SLC2A9: variants seen among roughly 807,000 people sequenced by gnomAD.
The protein encoded by SLC2A9 is solute carrier family 2 member 9, also known as solute carrier family 2, facilitated glucose transporter member 9.
Under a neutral mutation model 50.6 loss-of-function variants are expected in SLC2A9, and 39 were observed. That is an observed-to-expected ratio of 0.77 (90% CI 0.60 to 1.01). The LOEUF is 1.01. SLC2A9 is among the 50% of genes least tolerant of loss of function. The pLI is 0.00. For synonymous variants in SLC2A9, 324 were observed against 276.9 expected (o/e 1.17, Z -1.69); for missense variants, 686 against 677.6 (o/e 1.01, Z -0.14).
chr4:10,026,576 T>G (rs1763760501), intron 1 of SLC2A9, among the ~76,000 whole-genome samples: 1 of 152,166 alleles, frequency 6.6e-6, no homozygotes, highest in Non-Finnish European at 1.5e-5. Flanking sequence ...TTCACAGCAA[T>G]GATATTCCAA....
intron 6 of SLC2A9, among the ~76,000 whole-genome samples, chr4:9,929,064 A>G (rs1745418160): frequency 6.6e-6 from 1 of 152,188 alleles, no homozygotes; most frequent in African/African-American, 2.4e-5. Context: ...TTGGAGCTAC[A>G]TCGTTTAATG....
chr4:9,898,108 A>G (rs1738899143), intron 8 of SLC2A9, among the ~76,000 whole-genome samples: 1 of 152,164 alleles, frequency 6.6e-6, no homozygotes, highest in African/African-American at 2.4e-5. Flanking sequence ...TCTGGCCTTG[A>G]GAACTGTGAT....
intron 1 of SLC2A9, among the ~76,000 whole-genome samples, chr4:10,027,194 G>C (rs1301636011): frequency 1.3e-5 from 2 of 152,200 alleles, no homozygotes; most frequent in Non-Finnish European, 2.9e-5. Context: ...GGCTGCAGCA[G>C]CCTCACAGAT....
At chr4:9,998,463 A>T (rs1759143759) in intron 2 of SLC2A9, among the ~76,000 whole-genome samples, 1 of 152,166 alleles carries the variant, frequency 6.6e-6, no homozygotes, top group Admixed American at 6.5e-5. Context: ...CAGTACTTGA[A>T]TGGAGCTTAC....
intron 2 of SLC2A9, among the ~76,000 whole-genome samples, chr4:10,017,827 G>A (rs995796816): frequency 6.6e-6 from 1 of 151,782 alleles, no homozygotes; most frequent in Non-Finnish European, 1.5e-5. Flanking sequence ...TGTGCTCCAA[G>A]AACCTGGAGC....
intron 4 of SLC2A9, 117 bp from the exon 5 acceptor site, chr4:9,980,854 A>G: frequency 1.5e-6 from 2 of 1,364,316 alleles, no homozygotes; most frequent in Non-Finnish European, 2.1e-6. Flanking sequence ...CACTGTAGCC[A>G]CGGCATTTTT....
chr4:9,771,562 A>C (rs1056508097), intron 1 of SLC2A9, among the ~76,000 whole-genome samples: 2 of 152,220 alleles, frequency 1.3e-5, no homozygotes, highest in African/African-American at 4.8e-5. Flanking sequence ...TGATATGTTC[A>C]TCTATGCAAC....
intron 10 of SLC2A9, among the ~76,000 whole-genome samples, chr4:9,835,923 C>T (rs1727000788): frequency 3.3e-5 from 5 of 151,738 alleles, no homozygotes; most frequent in Admixed American, 3.3e-4. Flanking sequence ...CCCATCTCTA[C>T]TAAAAATACA....
chr4:9,964,270 C>CAA (rs1752727583), intron 5 of SLC2A9, among the ~76,000 whole-genome samples: 1 of 152,012 alleles, frequency 6.6e-6, no homozygotes, highest in African/African-American at 2.4e-5. Flanking sequence ...GCATTTCTAA[C>CAA]AAGTGCCTTC....
intron 4 of SLC2A9, among the ~76,000 whole-genome samples, chr4:9,981,603 C>G (rs1023384676): frequency 6.6e-6 from 1 of 152,276 alleles, no homozygotes; most frequent in Non-Finnish European, 1.5e-5. Context: ...CAATAGAGCC[C>G]CAGTGGGTCT....
chr4:9,893,440 G>A (rs1737911285), intron 8 of SLC2A9, among the ~76,000 whole-genome samples: 2 of 152,096 alleles, frequency 1.3e-5, no homozygotes, highest in Middle Eastern at 3.4e-3. Context: ...GAATACTGAG[G>A]GACAGTAACT....
At chr4:9,841,742 T>C (rs1318564019) in intron 10 of SLC2A9, among the ~76,000 whole-genome samples, 1 of 152,142 alleles carries the variant, frequency 6.6e-6, no homozygotes, top group Non-Finnish European at 1.5e-5. Flanking sequence ...CGGAACCCAT[T>C]CCATGTTGTC....
downstream of SLC2A9, among the ~76,000 whole-genome samples, chr4:9,825,533 G>GT (rs912124096): frequency 0.027 from 58 of 2,126 alleles, 1 homozygote; most frequent in East Asian, 0.092. Context: ...TAATCACAAT[G>GT]TTTTTTTTTT....
chr4:9,815,783 C>T (rs1306521173), intron 3 of SLC2A9, among the ~76,000 whole-genome samples: 1 of 152,180 alleles, frequency 6.6e-6, no homozygotes, highest in East Asian at 1.9e-4. Context: ...CTATAAAGAG[C>T]AGCAGCCAAG....
At chr4:9,849,916 G>T (rs1159485100) in intron 10 of SLC2A9, among the ~76,000 whole-genome samples, 1 of 152,040 alleles carries the variant, frequency 6.6e-6, no homozygotes, top group Non-Finnish European at 1.5e-5. Context: ...GGATGAGCAT[G>T]GTGCTGGGAG....
chr4:10,027,922 C>T (rs534770292), intron 1 of SLC2A9, among the ~76,000 whole-genome samples: 41 of 152,178 alleles, frequency 2.7e-4, no homozygotes, highest in Non-Finnish European at 5.3e-4. Context: ...TGCTGATCTA[C>T]GGAACACCAG....
At chr4:9,903,431 A>G (rs569735544) in intron 8 of SLC2A9, among the ~76,000 whole-genome samples, 2 of 152,182 alleles carry the variant, frequency 1.3e-5, no homozygotes, top group Admixed American at 6.5e-5. Flanking sequence ...CCTGCCCCAC[A>G]TGGCCTGAAT....
At chr4:9,864,405 TC>T (rs767060268) in intron 10 of SLC2A9, among the ~76,000 whole-genome samples, 103 of 152,214 alleles carry the variant, frequency 6.8e-4, no homozygotes, top group Non-Finnish European at 1.3e-3. Flanking sequence ...CCTTCTGCTC[TC>T]CAAGGGCGAT....
At chr4:10,001,026 T>C (rs1172450965) in intron 2 of SLC2A9, among the ~76,000 whole-genome samples, 1 of 152,090 alleles carries the variant, frequency 6.6e-6, no homozygotes, top group East Asian at 1.9e-4. Context: ...TCAGAATGGG[T>C]CCTTATTTGA....
Sources: allele counts gnomAD v4.1 joint callset (sites outside exome capture counted in the v4.1 genomes callset), GRCh38; gene constraint gnomAD v4.1.1; transcripts MANE v1.5; gene names NCBI Gene and HGNC (gene_info 2026-07-23, HGNC 2026-07-21).